Variants in SLC30A6 observed in about 807,000 individuals in gnomAD.
SLC30A6 encodes the protein solute carrier family 30 member 6.
In SLC30A6, 55 loss-of-function variants were observed where a neutral mutation model predicts 63.0. The observed-to-expected ratio is 0.87, with a 90% CI of 0.70 to 1.09. The LOEUF (loss-of-function observed/expected upper bound fraction) is 1.09, where lower values mean the gene tolerates loss of function less well. SLC30A6 is among the 50% of genes least tolerant of loss of function. SLC30A6 has a pLI of 0.00. For missense variants in SLC30A6, 587 were observed against 549.2 expected, an observed-to-expected ratio of 1.07 and a Z score of -0.69; for synonymous variants, 224 against 186.1, an observed-to-expected ratio of 1.20 and a Z score of -1.66.
At chr2:32,202,060 A>G in intron 10 of SLC30A6, 1 of 897,606 alleles carries the variant, frequency 1.1e-6, no homozygotes, top group Non-Finnish European at 1.7e-6. Flanking sequence ...AGATAGTTCT[A>G]CTCATGAATC....
In SLC30A6 at chr2:32,186,824, C is replaced by T. The variant is rs188002856; in HGVS notation, c.284+2486C>T. Among the ~76,000 whole-genome samples the T allele has an allele frequency of 4.6e-5, 7 of 151,656 alleles. 1 individual carries two copies. In the East Asian group the frequency reaches 1.4e-3, roughly 29 times the overall value. ...CCATCCTGAGCAAAGAGCGAGACCCCGTCTCTACAAAAAAATACAAAAATA... is the reference window on the plus strand; with the variant it reads ...CCATCCTGAGCAAAGAGCGAGACCCTGTCTCTACAAAAAAATACAAAAATA... On this transcript the variant is annotated intron_variant, in intron 5 of 13. Coordinates refer to ENST00000282587, the MANE Select transcript of SLC30A6 (RefSeq NM_017964.5).
chr2:32,210,265 A>G (rs191319874), intron 13 of SLC30A6, among the ~76,000 whole-genome samples: 4 of 152,224 alleles, frequency 2.6e-5, no homozygotes, highest in Non-Finnish European at 4.4e-5. Flanking sequence ...TAATACCAGC[A>G]CTTTGGGAAG....
intron 10 of SLC30A6, chr2:32,202,335 G>T (rs879679697): frequency 1.8e-5 from 6 of 341,512 alleles, no homozygotes; most frequent in Non-Finnish European, 3.4e-5. Context: ...ACAGTTTTTT[G>T]TTTGTTTGTT....
rs1007144586 is a variant in SLC30A6 at position 32,187,948 on chromosome 2, T to A, written c.284+3610T>A. 1.2e-4 allele frequency among the ~76,000 whole-genome samples: 18 copies of A among 152,168 alleles called. 1 individual carries two copies. Among genetic ancestry groups the A allele is most frequent in the Admixed American group, 1.1e-3 (17 of 15,260 alleles). ...AAGCTACTTTCATTTACAGCCAGTG[T>A]TTTTCTTTTTAAACCTGTATCATAT... On this transcript the variant is annotated intron_variant, in intron 5 of 13. Coordinates refer to ENST00000282587, the MANE Select transcript of SLC30A6 (RefSeq NM_017964.5).
chr2:32,201,499 C>T (rs1037313371), intron 10 of SLC30A6: 49 of 504,654 alleles, frequency 9.7e-5, no homozygotes, highest in Non-Finnish European at 9.5e-5. Flanking sequence ...TGACACACAG[C>T]CACGGCTGAG....
In SLC30A6 at chr2:32,197,218, G is replaced by C. The variant is rs994622455; in HGVS notation, c.497-126G>C. ...GAAACATTTATAGATTTGAGGAGTA[G>C]CATGTTCTTTTGTAATGTTATTCAG... On this transcript the variant is annotated intron_variant, in intron 8 of 13. Coordinates refer to ENST00000282587, the MANE Select transcript of SLC30A6 (RefSeq NM_017964.5). 5.3e-6 allele frequency: 4 copies of C among 753,124 alleles called. No homozygotes were observed. In the Admixed American group the frequency reaches 1.2e-4, roughly 22 times the overall value. 46.7% of individuals were successfully genotyped at this position (753,124 alleles called of 1,614,324 possible).
intron 10 of SLC30A6, chr2:32,203,426 G>T: frequency 1.4e-6 from 2 of 1,447,308 alleles, no homozygotes; most frequent in South Asian, 1.1e-5. Flanking sequence ...TGCTGCTGTT[G>T]ATTTTTTCCA....
chr2:32,201,835 G>C, intron 10 of SLC30A6: 1 of 1,429,594 alleles, frequency 7.0e-7, no homozygotes, highest in Non-Finnish European at 9.8e-7. Flanking sequence ...TTATGACTCA[G>C]ATGAGAAATC....
intron 8 of SLC30A6, among the ~76,000 whole-genome samples, chr2:32,194,306 T>G (rs1683588438): frequency 6.6e-6 from 1 of 152,212 alleles, no homozygotes; most frequent in South Asian, 2.1e-4. Flanking sequence ...TGTAAGCATT[T>G]TAGAAGTATC....
Position 32,203,817 on chromosome 2 carries a change from T to C in SLC30A6, c.666-773T>C. The C allele has an allele frequency of 9.0e-6, 13 of 1,446,536 alleles. No homozygotes were observed. The South Asian group carries it at 1.4e-4, about 15-fold the overall frequency. 89.6% of individuals were successfully genotyped at this position (1,446,536 alleles called of 1,614,324 possible). On this transcript the variant is annotated intron_variant, in intron 10 of 13. Coordinates refer to ENST00000282587, the MANE Select transcript of SLC30A6 (RefSeq NM_017964.5). ...AAGAATATTATGATAGAAACACATCTTCTAATTCCAGACAGAGGAGTGGTT... is the reference window on the plus strand; with the variant it reads ...AAGAATATTATGATAGAAACACATCCTCTAATTCCAGACAGAGGAGTGGTT...
At chr2:32,189,534 T>C (rs1573317500) in intron 5 of SLC30A6, among the ~76,000 whole-genome samples, 1 of 149,274 alleles carries the variant, frequency 6.7e-6, no homozygotes, top group Middle Eastern at 3.5e-3. Context: ...TGACCTCAAG[T>C]AATCCACCCA....
chr2:32,206,653 T>G (rs1459390448), intron 11 of SLC30A6, among the ~76,000 whole-genome samples: 1 of 152,180 alleles, frequency 6.6e-6, no homozygotes, highest in Non-Finnish European at 1.5e-5. Flanking sequence ...GTTGGTTGTT[T>G]AAGTGTTATT....
chr2:32,198,750 A>G (rs139768513), intron 10 of SLC30A6, among the ~76,000 whole-genome samples: 1 of 151,974 alleles, frequency 6.6e-6, no homozygotes, highest in African/African-American at 2.4e-5. Flanking sequence ...CACCTGGCTA[A>G]TTTTTGTATT....
chr2:32,172,459 C>T (rs1208821291), intron 2 of SLC30A6, among the ~76,000 whole-genome samples: 2 of 151,966 alleles, frequency 1.3e-5, no homozygotes, highest in Admixed American at 6.6e-5. Flanking sequence ...AGGGATCCTC[C>T]TTCCTCAGCC....
chr2:32,209,695 T>A, intron 13 of SLC30A6, 134 bp downstream of exon 13: 1 of 712,736 alleles, frequency 1.4e-6, no homozygotes, highest in South Asian at 2.1e-5. Flanking sequence ...GTCTAAAATG[T>A]ACATGAATTC....
intron 5 of SLC30A6, among the ~76,000 whole-genome samples, chr2:32,188,682 TAAA>T (rs943857544): frequency 2.1e-5 from 3 of 145,660 alleles, no homozygotes; most frequent in Non-Finnish European, 4.5e-5. Context: ...TCTCAAAAAA[TAAA>T]AAATAAAAAG....
intron 4 of SLC30A6, among the ~76,000 whole-genome samples, chr2:32,180,882 TTTTCA>T (rs1164119740): frequency 2.6e-5 from 4 of 152,246 alleles, no homozygotes; most frequent in Non-Finnish European, 5.9e-5. Context: ...AAGGAAAATC[TTTTCA>T]TTTAATTTGA....
intron 4 of SLC30A6, among the ~76,000 whole-genome samples, chr2:32,177,882 G>C (rs553824028): frequency 6.6e-6 from 1 of 151,100 alleles, no homozygotes; most frequent in African/African-American, 2.4e-5. Flanking sequence ...GCCTGCCTCC[G>C]CCTCCCAAAG....
intron 4 of SLC30A6, among the ~76,000 whole-genome samples, chr2:32,181,059 A>C (rs890510218): frequency 6.6e-6 from 1 of 152,228 alleles, no homozygotes; most frequent in Non-Finnish European, 1.5e-5. Flanking sequence ...GTGTTAATAA[A>C]TGCTACTGTT....
Sources: allele counts gnomAD v4.1 joint callset (sites outside exome capture counted in the v4.1 genomes callset), GRCh38; gene constraint gnomAD v4.1.1; transcripts MANE v1.5; gene names NCBI Gene and HGNC (gene_info 2026-07-23, HGNC 2026-07-21).